SPMAP2L: variants seen among roughly 807,000 people sequenced by gnomAD.
The protein encoded by SPMAP2L is sperm microtubule associated protein 2 like, also known as sperm microtubule associated protein 2-like.
At chr4:56,561,880 T>A in the SPMAP2L span, among the ~76,000 whole-genome samples, 8 of 152,086 alleles carry the variant, frequency 5.3e-5, no homozygotes, top group African/African-American at 1.9e-4. Context: ...CCCACCACCA[T>A]GCCCAACTAA....
At chr4:56,603,100 TA>T in the SPMAP2L span, 1 of 622,262 alleles carries the variant, frequency 1.6e-6, no homozygotes, top group Non-Finnish European at 2.5e-6. Context: ...GTCATGAAAA[TA>T]AAATGGGATA....
At chr4:56,547,340 G>A in the SPMAP2L span, among the ~76,000 whole-genome samples, 1 of 150,922 alleles carries the variant, frequency 6.6e-6, no homozygotes, top group East Asian at 2.0e-4. Context: ...CCGCCTCCCA[G>A]GTTCAAGCAA....
chr4:56,566,701 T>TC, the SPMAP2L span, among the ~76,000 whole-genome samples: 1 of 132,654 alleles, frequency 7.5e-6, no homozygotes, highest in Non-Finnish European at 1.6e-5. Context: ...TTTTCTTTTT[T>TC]TTTTTTTTTT....
chr4:56,569,567 T>C, the SPMAP2L span, among the ~76,000 whole-genome samples: 1 of 152,154 alleles, frequency 6.6e-6, no homozygotes, highest in Admixed American at 6.5e-5. Flanking sequence ...CCCAGTACTT[T>C]GGGAAGCCCA....
chr4:56,542,189 G>A, the SPMAP2L span, among the ~76,000 whole-genome samples: 1 of 152,208 alleles, frequency 6.6e-6, no homozygotes, highest in Non-Finnish European at 1.5e-5. Flanking sequence ...CTTCCTTACT[G>A]GAGAAGGCAC....
At chr4:56,537,770 A>G in the SPMAP2L span, among the ~76,000 whole-genome samples, 189 of 150,862 alleles carry the variant, frequency 1.3e-3, no homozygotes, top group Middle Eastern at 6.8e-3. Context: ...TCGGCTCACT[A>G]CAAGCTCCAC....
the SPMAP2L span, among the ~76,000 whole-genome samples, chr4:56,571,559 T>C: frequency 1.1e-4 from 16 of 152,234 alleles, no homozygotes; most frequent in South Asian, 8.3e-4. Flanking sequence ...TGAAGCAATC[T>C]GCCTGCCTGA....
the SPMAP2L span, among the ~76,000 whole-genome samples, chr4:56,556,986 C>T: frequency 3.3e-5 from 5 of 151,844 alleles, no homozygotes; most frequent in South Asian, 2.1e-4. Context: ...TGGTGGCTCA[C>T]GCCTGTAATT....
chr4:56,543,956 G>T, the SPMAP2L span, among the ~76,000 whole-genome samples: 2 of 124,586 alleles, frequency 1.6e-5, no homozygotes, highest in African/African-American at 6.8e-5. Context: ...GAGAGTGTGT[G>T]TGTGTGTGTG....
the SPMAP2L span, among the ~76,000 whole-genome samples, chr4:56,579,165 T>C: frequency 6.8e-3 from 1,036 of 152,200 alleles, 13 homozygotes; most frequent in African/African-American, 0.024. Flanking sequence ...ACACATTCTT[T>C]TCAAGTGTAC....
chr4:56,595,979 T>C, the SPMAP2L span, among the ~76,000 whole-genome samples: 1 of 152,220 alleles, frequency 6.6e-6, no homozygotes, highest in African/African-American at 2.4e-5. Flanking sequence ...GTGTTTTGCA[T>C]AGAAAGTTTT....
chr4:56,567,445 T>TTTTTTTTTTG, the SPMAP2L span, among the ~76,000 whole-genome samples: 2 of 107,306 alleles, frequency 1.9e-5, no homozygotes, highest in Non-Finnish European at 3.6e-5. Context: ...TTTGGTGGTT[T>TTTTTTTTTTG]TTTTTTTTTT....
chr4:56,554,937 C>CTTTTT, the SPMAP2L span, among the ~76,000 whole-genome samples: 16 of 93,414 alleles, frequency 1.7e-4, no homozygotes, highest in Non-Finnish European at 2.6e-4. Context: ...ACTATCATTT[C>CTTTTT]TTTTTTTTTT....
chr4:56,546,057 G>C, the SPMAP2L span, among the ~76,000 whole-genome samples: 1 of 152,304 alleles, frequency 6.6e-6, no homozygotes, highest in East Asian at 1.9e-4. Context: ...GCCTCCCAAA[G>C]TGTTGGGATT....
the SPMAP2L span, among the ~76,000 whole-genome samples, chr4:56,579,889 G>T: frequency 6.6e-6 from 1 of 152,270 alleles, no homozygotes; most frequent in Admixed American, 6.5e-5. Flanking sequence ...GAGTCAAGAA[G>T]AAATAGACAA....
chr4:56,537,697 C>CTT, the SPMAP2L span, among the ~76,000 whole-genome samples: 5 of 145,548 alleles, frequency 3.4e-5, no homozygotes, highest in African/African-American at 2.5e-5. Context: ...CTTTTCTTTT[C>CTT]TTTTTTTTTT....
At chr4:56,549,189 G>A in the SPMAP2L span, among the ~76,000 whole-genome samples, 1 of 151,822 alleles carries the variant, frequency 6.6e-6, no homozygotes, top group Non-Finnish European at 1.5e-5. Context: ...GGGCTTCACC[G>A]TGTTGGCCAG....
the SPMAP2L span, among the ~76,000 whole-genome samples, chr4:56,537,485 C>T: frequency 6.6e-5 from 10 of 152,256 alleles, no homozygotes; most frequent in South Asian, 2.1e-3. Flanking sequence ...CTTGTTCTTC[C>T]TTCAGTCTCC....
the SPMAP2L span, chr4:56,584,399 G>A: frequency 2.8e-6 from 2 of 717,886 alleles, no homozygotes; most frequent in African/African-American, 1.8e-5. Context: ...TAGAAGCAGT[G>A]TATATAATCG....
Sources: allele counts gnomAD v4.1 joint callset (sites outside exome capture counted in the v4.1 genomes callset), GRCh38; gene constraint gnomAD v4.1.1; transcripts MANE v1.5; gene names NCBI Gene and HGNC (gene_info 2026-07-23, HGNC 2026-07-21).